The following SLC12A8 variants were observed in gnomAD, a reference collection of about 807,000 sequenced individuals.
SLC12A8 encodes the protein solute carrier family 12 member 8, also known as cation-chloride cotransporter 9.
A neutral mutation model predicts 75.6 loss-of-function variants in SLC12A8; 69 were observed. The ratio of observed to expected loss-of-function variants is 0.91; its 90% CI spans 0.75 to 1.11. SLC12A8 has a LOEUF of 1.11. SLC12A8 is among the 50% of genes most tolerant of loss of function. SLC12A8 has a pLI of 0.00. For missense variants in SLC12A8, 877 were observed against 896.7 expected (o/e 0.98, Z 0.28); for synonymous variants, 365 against 372.8 (o/e 0.98, Z 0.24).
At chr3:125,100,402 A>T (rs1456591815) in intron 10 of SLC12A8, among the ~76,000 whole-genome samples, 1 of 151,724 alleles carries the variant, frequency 6.6e-6, no homozygotes, top group Non-Finnish European at 1.5e-5. Flanking sequence ...GCAATTATAT[A>T]TATTTATTAT....
intron 5 of SLC12A8, among the ~76,000 whole-genome samples, chr3:125,167,521 G>A (rs1244941342): frequency 1.3e-5 from 2 of 152,176 alleles, no homozygotes; most frequent in African/African-American, 4.8e-5. Flanking sequence ...GACTGTTATA[G>A]CCCCTCACCC....
At chr3:125,119,885 C>G (rs1354106216) in intron 7 of SLC12A8, 1 of 456,604 alleles carries the variant, frequency 2.2e-6, no homozygotes, top group East Asian at 6.9e-5. Flanking sequence ...GGCAGAGAAG[C>G]TTCTTCCTGT....
chr3:125,181,323 C>T (rs1313150919), intron 4 of SLC12A8, among the ~76,000 whole-genome samples: 9 of 151,900 alleles, frequency 5.9e-5, no homozygotes, highest in Admixed American at 1.3e-4. Context: ...AAAAATAGGC[C>T]AGGCGCGGTG....
chr3:125,118,729 C>A (rs187185729), intron 8 of SLC12A8, 40 bp downstream of exon 8: 1 of 1,489,670 alleles, frequency 6.7e-7, no homozygotes, highest in Non-Finnish European at 9.3e-7. Context: ...TAAATGACTC[C>A]GGCAGACTGA....
intron 4 of SLC12A8, among the ~76,000 whole-genome samples, chr3:125,186,918 C>T (rs904870563): frequency 2.0e-5 from 3 of 152,258 alleles, no homozygotes; most frequent in African/African-American, 7.2e-5. Flanking sequence ...ACCTGGCTGC[C>T]ACCTGGGCTT....
At chr3:125,088,520 T>G in intron 12 of SLC12A8, 150 bp from the exon 13 acceptor site, 1 of 662,686 alleles carries the variant, frequency 1.5e-6, no homozygotes, top group Non-Finnish European at 2.7e-6. Flanking sequence ...AACAAATAAT[T>G]TTCATTGTAA....
intron 8 of SLC12A8, among the ~76,000 whole-genome samples, chr3:125,114,424 A>G (rs894695941): frequency 6.6e-6 from 1 of 152,116 alleles, no homozygotes; most frequent in Non-Finnish European, 1.5e-5. Context: ...ACCCAGTTTT[A>G]GGGGGGTTTT....
At chr3:125,114,312 C>T (rs1057026776) in intron 8 of SLC12A8, among the ~76,000 whole-genome samples, 4 of 152,208 alleles carry the variant, frequency 2.6e-5, no homozygotes, top group East Asian at 1.9e-4. Context: ...GTCCCATCCC[C>T]ATCTTCCCTG....
chr3:125,084,387 C>T (rs2981479), intron 13 of SLC12A8, among the ~76,000 whole-genome samples: 91,274 of 150,214 alleles, frequency 0.61, 28,692 homozygotes, highest in African/African-American at 0.78. Context: ...TTTTCTTTGC[C>T]TTTTTTTTTG....
intron 9 of SLC12A8, among the ~76,000 whole-genome samples, chr3:125,109,947 G>A (rs537288694): frequency 6.6e-5 from 10 of 152,244 alleles, no homozygotes; most frequent in African/African-American, 2.4e-4. Flanking sequence ...AGCTAACCCA[G>A]TCCTAAAAGT....
chr3:125,094,912 T>C (rs1938674993), intron 10 of SLC12A8, among the ~76,000 whole-genome samples: 2 of 152,246 alleles, frequency 1.3e-5, no homozygotes, highest in Admixed American at 1.3e-4. Context: ...CTGATACATG[T>C]GATCACTTTC....
chr3:125,169,483 G>A (rs1367413696), intron 5 of SLC12A8, among the ~76,000 whole-genome samples: 1 of 152,080 alleles, frequency 6.6e-6, no homozygotes, highest in East Asian at 1.9e-4. Flanking sequence ...TGAAATGAGA[G>A]ACAAGACATA....
chr3:125,118,470 A>T lies in SLC12A8; in HGVS notation c.912+299T>A, dbSNP rs202131432. ...GAGACCTCATCTCTACCAAAAAATT[A>T]AAAAAAAAATTAGCCCAGCATGAGG... On this transcript the variant is annotated intron_variant, in intron 8 of 13. Coordinates refer to ENST00000469902, the MANE Select transcript of SLC12A8 (RefSeq NM_024628.6). Among the ~76,000 whole-genome samples, 127 of 146,572 alleles carry T rather than the reference A, an allele frequency of 8.7e-4. No individual in the cohort carries two copies. The East Asian group carries it at 0.014, about 16-fold the overall frequency.
Position 125,188,437 on chromosome 3 carries a change from C to G in SLC12A8, c.199-1009G>C, listed in dbSNP as rs1934839493. On this transcript the variant is annotated intron_variant, in intron 3 of 13. Transcript: ENST00000469902. ...ACGGAGCAGGATCATGTTTTCTTCC[C>G]CTTCATATTCTCAGTGCTTAGCATA... Among the ~76,000 whole-genome samples the G allele has an allele frequency of 2.0e-5, 3 of 152,108 alleles. No homozygotes were observed. In the South Asian group the frequency reaches 6.2e-4, roughly 32 times the overall value.
intron 10 of SLC12A8, among the ~76,000 whole-genome samples, chr3:125,096,381 T>C (rs763243711): frequency 6.6e-6 from 1 of 152,244 alleles, no homozygotes; most frequent in Admixed American, 6.5e-5. Context: ...TTGTTTATCA[T>C]ATGTCTTCCC....
chr3:125,208,939 A>G (rs1935285309), intron 2 of SLC12A8, among the ~76,000 whole-genome samples: 1 of 152,070 alleles, frequency 6.6e-6, no homozygotes, highest in South Asian at 2.1e-4. Flanking sequence ...GCCACTTTCT[A>G]ATCACCGTGA....
intron 4 of SLC12A8, among the ~76,000 whole-genome samples, chr3:125,181,739 G>GA (rs75028437): frequency 0.065 from 9,572 of 148,146 alleles, 421 homozygotes; most frequent in East Asian, 0.21. Context: ...TGAAATAGAA[G>GA]AAAAAATAAC....
chr3:125,092,872 TTAAAAA>T (rs1938619622), intron 10 of SLC12A8, among the ~76,000 whole-genome samples: 2 of 152,180 alleles, frequency 1.3e-5, no homozygotes, highest in African/African-American at 4.8e-5. Flanking sequence ...AGCGCTCAAT[TTAAAAA>T]TAATAATAAT....
At chr3:125,182,798 G>GCCCGA (rs1560078664) in intron 4 of SLC12A8, among the ~76,000 whole-genome samples, 3 of 152,034 alleles carry the variant, frequency 2.0e-5, no homozygotes, top group East Asian at 1.9e-4. Context: ...GAGCCACCGC[G>GCCCGA]CCTGGCCTTG....
Sources: gnomAD v4.1 joint callset for allele counts (sites outside exome capture counted in the v4.1 genomes callset) on GRCh38, gnomAD v4.1.1 for gene constraint, MANE v1.5 for transcripts, NCBI Gene and HGNC (gene_info 2026-07-23, HGNC 2026-07-21) for gene names.